The following IL17RD variants were observed in gnomAD, a reference collection of about 807,000 sequenced individuals.
IL17RD encodes the protein interleukin 17 receptor D.
In IL17RD, 52 loss-of-function variants were observed where a neutral mutation model predicts 80.5. The ratio of observed to expected loss-of-function variants is 0.65; its 90% confidence interval spans 0.52 to 0.81. The LOEUF (loss-of-function observed/expected upper bound fraction) is 0.81, where lower values mean the gene tolerates loss of function less well. IL17RD is among the 40% of genes least tolerant of loss of function. The pLI, the probability that IL17RD is intolerant of heterozygous loss-of-function variation, is 0.00. For synonymous variants in IL17RD, 416 were observed against 391.8 expected (o/e 1.06, Z -0.73); for missense variants, 1,024 against 955.1 (o/e 1.07, Z -0.95).
Position 57,114,362 on chromosome 3 carries a change from A to G in IL17RD, c.310+330T>C, listed in dbSNP as rs568159389. 1.3e-3 allele frequency among the ~76,000 whole-genome samples: 201 copies of G among 152,322 alleles called. 2 individuals are homozygous for G. The highest frequency in any genetic ancestry group is 5.9e-4 in the Non-Finnish European group (40 of 68,020). ...TGGCCATTACGCCCTTGGATGGGCC[A>G]TGGGCTTTCTTGGCACTGCTGCCCT... On this transcript the variant is annotated intron_variant, in intron 3 of 12. Transcript: ENST00000296318.
intron 11 of IL17RD, among the ~76,000 whole-genome samples, chr3:57,099,286 T>C (rs961125861): frequency 3.9e-5 from 6 of 152,200 alleles, no homozygotes; most frequent in African/African-American, 9.6e-5. Context: ...AGGCTGGTAA[T>C]TGACAAAGCT....
intron 1 of IL17RD, among the ~76,000 whole-genome samples, chr3:57,161,374 C>CAGG (rs1283487076): frequency 2.0e-5 from 3 of 152,230 alleles, no homozygotes; most frequent in African/African-American, 7.2e-5. Context: ...GGACTTTTAT[C>CAGG]AGGAACCTAA....
chr3:57,107,694 G>T (rs1706996178), intron 5 of IL17RD, among the ~76,000 whole-genome samples: 1 of 152,194 alleles, frequency 6.6e-6, no homozygotes, highest in Non-Finnish European at 1.5e-5. Flanking sequence ...AGAACAGAAG[G>T]TGAACAGACC....
Position 57,101,124 on chromosome 3 carries a change from G to C in IL17RD, c.1164+55C>G, listed in dbSNP as rs959601540. 22 of 1,430,578 alleles carry C rather than the reference G, an allele frequency of 1.5e-5. No homozygotes were observed. The South Asian group carries it at 2.6e-4, about 17-fold the overall frequency. The allele number at this position is 1,430,578 out of a possible 1,614,324, so 88.6% of individuals were successfully genotyped here. A position where few individuals can be genotyped will look rare whatever the true frequency, so the allele number is the denominator to read the frequency against. Reference sequence around the variant, plus strand: ...AAGAGAGGAGAAGGCAGCGGGGAGAGAGTACAGGGCAAGTGTCCTGGCCAG... The same window carrying C: ...AAGAGAGGAGAAGGCAGCGGGGAGACAGTACAGGGCAAGTGTCCTGGCCAG... On this transcript the variant is annotated intron_variant, in intron 11 of 12. Coordinates refer to ENST00000296318, the MANE Select transcript of IL17RD (RefSeq NM_017563.5).
intron 1 of IL17RD, among the ~76,000 whole-genome samples, chr3:57,122,226 G>C (rs1487497057): frequency 6.6e-6 from 1 of 152,210 alleles, no homozygotes; most frequent in Non-Finnish European, 1.5e-5. Context: ...AGCTTAACAA[G>C]GAGAAGGATA....
In IL17RD at chr3:57,102,487, T is replaced by A. The variant is rs1706856052; in HGVS notation, c.971A>T (p.Lys324Met). 4.5e-6 allele frequency: 7 copies of A among 1,547,226 alleles called. No homozygotes were observed. Among genetic ancestry groups the A allele is most frequent in the Non-Finnish European group, 6.2e-6 (7 of 1,130,060 alleles). ...AGCACACAAAGAGATACCTTGTTGC[T>A]TCTTGCGGCACATCACAGTGAAGAG... ...ATLFTVMCRK[K>M]QQENIYSHLD... The change falls in exon 10 of 13, where the codon AAG becomes ATG. Residue 324 changes from lysine (K) to methionine (M), a missense_variant. Lys to Met is a moderately conservative substitution (Grantham distance 95). Coordinates refer to ENST00000296318, the MANE Select transcript of IL17RD (RefSeq NM_017563.5).
At chr3:57,116,238 G>A (rs1322561361) in intron 2 of IL17RD, among the ~76,000 whole-genome samples, 4 of 150,220 alleles carry the variant, frequency 2.7e-5, no homozygotes, top group Non-Finnish European at 5.9e-5. Context: ...ACTCAACTCC[G>A]TCAGCTTCAA....
chr3:57,163,393 G>T (rs1386063634), intron 1 of IL17RD, among the ~76,000 whole-genome samples: 3 of 152,040 alleles, frequency 2.0e-5, no homozygotes, highest in Non-Finnish European at 4.4e-5. Flanking sequence ...GAACACACTC[G>T]CACAGGTAGA....
At chr3:57,154,283 T>TAC (rs1553628627) in intron 1 of IL17RD, among the ~76,000 whole-genome samples, 1,216 of 112,886 alleles carry the variant, frequency 0.011, 21 homozygotes, top group African/African-American at 0.029. Flanking sequence ...TATATATATA[T>TAC]ACACACACAC....
chr3:57,106,878 G>C (rs1380329758), intron 5 of IL17RD, among the ~76,000 whole-genome samples: 1 of 152,100 alleles, frequency 6.6e-6, no homozygotes, highest in Admixed American at 6.5e-5. Context: ...TTGCATTCCA[G>C]GAACACACCC....
chr3:57,104,218 C>T, intron 8 of IL17RD, 124 bp downstream of exon 8: 1 of 653,206 alleles, frequency 1.5e-6, no homozygotes, highest in Non-Finnish European at 2.7e-6. Flanking sequence ...TGTTAAGAAC[C>T]ATATAAAAAT....
intron 1 of IL17RD, among the ~76,000 whole-genome samples, chr3:57,122,836 C>T (rs1003030602): frequency 5.4e-5 from 8 of 148,510 alleles, no homozygotes; most frequent in African/African-American, 1.5e-4. Context: ...GGAGGGACTT[C>T]GCAAAAAGGA....
At position 57,098,189 on chromosome 3, in the gene IL17RD, G is replaced by A. The variant is rs779700858; in HGVS notation, c.1514C>T (p.Pro505Leu). The change falls in exon 12 of 13, where the codon CCT (proline) becomes CTT (leucine). Residue 505 changes from proline to leucine, a missense_variant. Transcript: ENST00000296318. ...GGAGTGCAAGTGGGAACAGAGCTGA[G>A]GAAGATTGTCCATGAGTCTGTACTT... Reference protein sequence around the residue: ...STKYRLMDNLPQLCSHLHSRD... With the variant: ...STKYRLMDNLLQLCSHLHSRD... The A allele has an allele frequency of 8.7e-6, 14 of 1,613,826 alleles. No homozygotes were observed. The highest frequency in any genetic ancestry group is 1.0e-5 in the Non-Finnish European group (12 of 1,179,848).
intron 7 of IL17RD, among the ~76,000 whole-genome samples, chr3:57,104,906 CCA>C (rs1706919252): frequency 6.6e-6 from 1 of 152,110 alleles, no homozygotes; most frequent in South Asian, 2.1e-4. Context: ...TTCTTGGTAT[CCA>C]CAGAGGCAAT....
At position 57,098,390 on chromosome 3, in the gene IL17RD, T is replaced by C. The variant is rs763158672; in HGVS notation, c.1313A>G (p.Lys438Arg). Residue 438 changes from lysine to arginine, a missense_variant, in exon 12 of 13, where the codon AAA (lysine) becomes AGA (arginine). Physicochemically the swap from Lys to Arg is conservative, Grantham distance 26. Coordinates refer to ENST00000296318, the MANE Select transcript of IL17RD (RefSeq NM_017563.5). ...TTTCCCCGAGCCTCGGCCACCTCCTTTGTGTTTGTAGTTCTTCTTGTCCAC... is the reference window on the plus strand; with the variant it reads ...TTTCCCCGAGCCTCGGCCACCTCCTCTGTGTTTGTAGTTCTTCTTGTCCAC... The part of the protein sequence containing the change: ...YFVDKKNYKH[K>R]GGGRGSGKGE... 2 of 1,614,010 alleles carry C rather than the reference T, an allele frequency of 1.2e-6. No individual in the cohort carries two copies. Among genetic ancestry groups the C allele is most frequent in the Non-Finnish European group, 1.7e-6 (2 of 1,179,902 alleles).
At chr3:57,122,107 T>C (rs1206287492) in intron 1 of IL17RD, among the ~76,000 whole-genome samples, 1 of 152,124 alleles carries the variant, frequency 6.6e-6, no homozygotes, top group Non-Finnish European at 1.5e-5. Flanking sequence ...ACAAGGTATA[T>C]ATAGCAAGGG....
At position 57,097,794 on chromosome 3, in the gene IL17RD, G is replaced by A. The variant is rs780144197; in HGVS notation, c.1909C>T (p.Leu637Phe). The change falls in exon 12 of 13, where the codon CTT (leucine) becomes TTT (phenylalanine). Residue 637 changes from leucine to phenylalanine, a missense_variant. Transcript: ENST00000296318. ...LDQDGEARPA[L>F]DGSAALQPLL... The stretch of plus-strand genomic sequence containing the variant: ...GGTTGCAGGGCGGCGCTACCGTCAA[G>A]GGCAGGCCGGGCCTCCCCGTCTTGG... 14 of 1,604,938 alleles carry A rather than the reference G, an allele frequency of 8.7e-6. No homozygotes were observed. Among genetic ancestry groups the A allele is most frequent in the Admixed American group, 1.7e-5 (1 of 59,238 alleles).
chr3:57,101,819 T>C (rs1372161177), intron 10 of IL17RD, among the ~76,000 whole-genome samples: 13 of 152,220 alleles, frequency 8.5e-5, no homozygotes, highest in Admixed American at 8.5e-4. Flanking sequence ...AACTGTGTAA[T>C]CCTCACCCAG....
At chr3:57,161,731 A>G (rs1363808374) in intron 1 of IL17RD, among the ~76,000 whole-genome samples, 1 of 152,198 alleles carries the variant, frequency 6.6e-6, no homozygotes, top group Non-Finnish European at 1.5e-5. Context: ...AAGGGGAGGG[A>G]GAACTTCAGT....
Sources: allele counts gnomAD v4.1 joint callset (sites outside exome capture counted in the v4.1 genomes callset), GRCh38; gene constraint gnomAD v4.1.1; transcripts MANE v1.5; gene names NCBI Gene and HGNC (gene_info 2026-07-23, HGNC 2026-07-21).